SH3RF1: variants seen among roughly 807,000 people sequenced by gnomAD.
SH3RF1 encodes E3 ubiquitin-protein ligase SH3RF1.
Under a neutral mutation model 74.0 loss-of-function variants are expected in SH3RF1, and 32 were observed. The ratio of observed to expected loss-of-function variants is 0.43; its 90% CI spans 0.33 to 0.58. The LOEUF is 0.58. SH3RF1 is among the 20% of genes least tolerant of loss of function. SH3RF1 has a pLI of 0.05. For missense variants in SH3RF1, 954 were observed against 1,130.9 expected, an observed-to-expected ratio of 0.84 and a Z score of 2.24; for synonymous variants, 396 against 439.6, an observed-to-expected ratio of 0.90 and a Z score of 1.24.
At chr4:169,181,418 A>C (rs767749770) in intron 2 of SH3RF1, among the ~76,000 whole-genome samples, 1 of 151,874 alleles carries the variant, frequency 6.6e-6, no homozygotes, top group Non-Finnish European at 1.5e-5. Context: ...TCATGCCACC[A>C]TACCCAGCTA....
intron 2 of SH3RF1, among the ~76,000 whole-genome samples, chr4:169,240,953 G>C (rs371376047): frequency 6.6e-6 from 1 of 152,152 alleles, no homozygotes; most frequent in Non-Finnish European, 1.5e-5. Flanking sequence ...TGCCCAGGCC[G>C]GGCGTGGTGG....
intron 2 of SH3RF1, among the ~76,000 whole-genome samples, chr4:169,200,847 T>TG (rs1734895797): frequency 6.6e-6 from 1 of 152,164 alleles, no homozygotes; most frequent in Admixed American, 6.5e-5. Context: ...CCAACTGAGA[T>TG]GAGTAAACTG....
chr4:169,178,155 C>T (rs1734450705), intron 2 of SH3RF1, among the ~76,000 whole-genome samples: 1 of 151,690 alleles, frequency 6.6e-6, no homozygotes, highest in East Asian at 1.9e-4. Context: ...GCAGAAGAAT[C>T]GCTTGAACCC....
At chr4:169,124,465 C>CT (rs1308989121) in intron 6 of SH3RF1, among the ~76,000 whole-genome samples, 1 of 152,170 alleles carries the variant, frequency 6.6e-6, no homozygotes, top group Non-Finnish European at 1.5e-5. Context: ...GAGAGTTAGA[C>CT]ATTAAGATAT....
At chr4:169,221,383 G>A (rs1281731636) in intron 2 of SH3RF1, among the ~76,000 whole-genome samples, 1 of 152,056 alleles carries the variant, frequency 6.6e-6, no homozygotes, top group Non-Finnish European at 1.5e-5. Flanking sequence ...CAGATGACAT[G>A]GGGTTGGAAG....
intron 6 of SH3RF1, among the ~76,000 whole-genome samples, chr4:169,125,489 T>C (rs1245781183): frequency 6.6e-6 from 1 of 152,186 alleles, no homozygotes; most frequent in Non-Finnish European, 1.5e-5. Context: ...AGTAGTCCAG[T>C]ACGTCTCAAA....
At chr4:169,235,237 C>T (rs1267090409) in intron 2 of SH3RF1, among the ~76,000 whole-genome samples, 1 of 152,174 alleles carries the variant, frequency 6.6e-6, no homozygotes, top group African/African-American at 2.4e-5. Flanking sequence ...ATCTAGCTTA[C>T]ATAACAACAC....
chr4:169,168,818 T>C (rs947095063), intron 2 of SH3RF1, among the ~76,000 whole-genome samples: 4 of 152,242 alleles, frequency 2.6e-5, no homozygotes, highest in Non-Finnish European at 4.4e-5. Context: ...GAGAAAAAGT[T>C]TATTCTTGAT....
At chr4:169,223,324 A>G (rs932884390) in intron 2 of SH3RF1, among the ~76,000 whole-genome samples, 1 of 152,190 alleles carries the variant, frequency 6.6e-6, no homozygotes, top group African/African-American at 2.4e-5. Context: ...AGAAATACAC[A>G]TCACATTCTA....
At chr4:169,125,939 C>T (rs1213936800) in intron 6 of SH3RF1, among the ~76,000 whole-genome samples, 3 of 152,080 alleles carry the variant, frequency 2.0e-5, no homozygotes, top group African/African-American at 7.2e-5. Context: ...ATTTTTTGTT[C>T]CACATTTGAT....
At chr4:169,164,957 G>C (rs1020899560) in intron 2 of SH3RF1, among the ~76,000 whole-genome samples, 8 of 152,170 alleles carry the variant, frequency 5.3e-5, no homozygotes, top group Non-Finnish European at 1.2e-4. Context: ...TGAGAATGCA[G>C]TCACTCAAGT....
intron 2 of SH3RF1, among the ~76,000 whole-genome samples, chr4:169,242,629 A>G (rs1730931287): frequency 2.0e-5 from 3 of 152,156 alleles, no homozygotes; most frequent in Admixed American, 6.5e-5. Context: ...TTAATCTCCA[A>G]TGCAACAGTG....
chr4:169,100,157 C>T (rs374031777), intron 11 of SH3RF1, among the ~76,000 whole-genome samples: 16 of 152,224 alleles, frequency 1.1e-4, no homozygotes, highest in East Asian at 3.9e-4. Context: ...CTGCCTCACT[C>T]GGATTATGCT....
At chr4:169,163,644 A>G (rs547650111) in intron 2 of SH3RF1, among the ~76,000 whole-genome samples, 17 of 152,298 alleles carry the variant, frequency 1.1e-4, no homozygotes, top group African/African-American at 4.1e-4. Flanking sequence ...CTTAAATCAC[A>G]TTAATGGTCT....
At chr4:169,107,691 T>C (rs1386635239) in intron 10 of SH3RF1, among the ~76,000 whole-genome samples, 1 of 152,212 alleles carries the variant, frequency 6.6e-6, no homozygotes, top group East Asian at 1.9e-4. Context: ...CTATGCAGAA[T>C]TAAATGTAAA....
intron 2 of SH3RF1, among the ~76,000 whole-genome samples, chr4:169,266,871 T>A (rs1184733529): frequency 6.6e-6 from 1 of 152,148 alleles, no homozygotes; most frequent in Non-Finnish European, 1.5e-5. Context: ...ACTGAATAGG[T>A]TTGTTTTTGT....
At chr4:169,162,682 A>T (rs756663761) in intron 2 of SH3RF1, among the ~76,000 whole-genome samples, 1 of 152,158 alleles carries the variant, frequency 6.6e-6, no homozygotes, top group Non-Finnish European at 1.5e-5. Context: ...CTTCATTCAC[A>T]TGTCTTCTTT....
intron 2 of SH3RF1, among the ~76,000 whole-genome samples, chr4:169,223,455 A>C (rs1730601481): frequency 6.6e-6 from 1 of 152,182 alleles, no homozygotes; most frequent in Admixed American, 6.5e-5. Context: ...TGGATAGTTA[A>C]GAAAAGAGAG....
At chr4:169,122,804 T>C (rs1271732583) in intron 6 of SH3RF1, among the ~76,000 whole-genome samples, 1 of 152,156 alleles carries the variant, frequency 6.6e-6, no homozygotes. Flanking sequence ...CCATTGTTGC[T>C]ACTTTTGCTT....
Sources: gnomAD v4.1 joint callset for allele counts (sites outside exome capture counted in the v4.1 genomes callset) on GRCh38, gnomAD v4.1.1 for gene constraint, MANE v1.5 for transcripts, NCBI Gene and HGNC (gene_info 2026-07-23, HGNC 2026-07-21) for gene names.